Variants in DNAI7 observed in about 807,000 individuals in gnomAD.
The protein encoded by DNAI7 is cancer susceptibility 1.
A neutral mutation model predicts 86.6 loss-of-function variants in DNAI7; 78 were observed. The observed-to-expected ratio is 0.90, with a 90% CI of 0.75 to 1.09. DNAI7 has a LOEUF of 1.09. Among genes scored for constraint, DNAI7 ranks in the 50% least tolerant of loss-of-function variants. The pLI is 0.00. For synonymous variants in DNAI7, 274 were observed against 273.0 expected (o/e 1.00, Z -0.04); for missense variants, 753 against 810.2 (o/e 0.93, Z 0.86).
chr12:25,194,790 G>A, intron 1 of DNAI7: 2 of 1,287,230 alleles, frequency 1.6e-6, no homozygotes, highest in Non-Finnish European at 1.1e-6. Flanking sequence ...TTACTAGGTT[G>A]GGACCAATTT....
At chr12:25,129,632 C>T (rs1942608550) in intron 9 of DNAI7, among the ~76,000 whole-genome samples, 1 of 152,170 alleles carries the variant, frequency 6.6e-6, no homozygotes, top group African/African-American at 2.4e-5. Flanking sequence ...TTCCCTCTGA[C>T]CAGAATAACT....
chr12:25,128,204 T>C (rs539006784), intron 9 of DNAI7, among the ~76,000 whole-genome samples: 18 of 152,342 alleles, frequency 1.2e-4, no homozygotes, highest in East Asian at 7.7e-4. Context: ...AGAAGATCTA[T>C]GCAAAAGAAA....
At chr12:25,145,053 A>T (rs772253254) in intron 8 of DNAI7, among the ~76,000 whole-genome samples, 2 of 152,182 alleles carry the variant, frequency 1.3e-5, no homozygotes, top group Non-Finnish European at 2.9e-5. Flanking sequence ...TATCTATACT[A>T]TCAGAGGTTT....
chr12:25,144,783 A>G, intron 8 of DNAI7, 106 bp from the exon 9 acceptor site: 1 of 834,162 alleles, frequency 1.2e-6, no homozygotes, highest in Non-Finnish European at 1.8e-6. Context: ...ATTTTGCTCC[A>G]ATTTTGACTC....
chr12:25,155,950 CA>C (rs1946112146), intron 4 of DNAI7, among the ~76,000 whole-genome samples: 1 of 152,054 alleles, frequency 6.6e-6, no homozygotes, highest in South Asian at 2.1e-4. Flanking sequence ...ACCAAAAATA[CA>C]AAAATTAGCC....
intron 2 of DNAI7, among the ~76,000 whole-genome samples, chr12:25,167,402 C>T (rs1947607458): frequency 6.6e-6 from 1 of 152,162 alleles, no homozygotes; most frequent in South Asian, 2.1e-4. Context: ...TCTCTGCTGG[C>T]AGGGGACCCT....
rs1410205397 is a variant in DNAI7 at position 25,144,445 on chromosome 12, G to C, written c.922C>G (p.Gln308Glu). ...ISKEVEEESKQQERGSHLIQE... is the reference protein window; with the variant it reads ...ISKEVEEESKEQERGSHLIQE... ...ATTAAGTGAGACCCTCTTTCTTGTT[G>C]TTTGGACTCTTCTTCGACCTCCTTG... is the stretch of plus-strand genomic sequence containing the variant. The change falls in exon 9 of 16, where the codon CAA becomes GAA. Residue 308 changes from glutamine to glutamate, a missense_variant. Gln to Glu is a conservative substitution (Grantham distance 29). Transcript: ENST00000395987. 5 of 1,613,908 alleles carry C rather than the reference G, an allele frequency of 3.1e-6. No individual in the cohort carries two copies. The highest frequency in any genetic ancestry group is 2.5e-6 in the Non-Finnish European group (3 of 1,179,958).
intron 6 of DNAI7, among the ~76,000 whole-genome samples, chr12:25,151,328 A>T (rs1009773885): frequency 7.9e-5 from 12 of 152,244 alleles, no homozygotes; most frequent in Non-Finnish European, 1.5e-4. Context: ...ATAAGAGTTT[A>T]TTAAATAAAT....
intron 2 of DNAI7, among the ~76,000 whole-genome samples, chr12:25,161,622 TG>T (rs1421302599): frequency 6.6e-6 from 1 of 152,268 alleles, no homozygotes; most frequent in Non-Finnish European, 1.5e-5. Flanking sequence ...TTTGCAAGCT[TG>T]GAAGAAGGAG....
chr12:25,155,470 A>G, intron 4 of DNAI7, 58 bp from the exon 5 acceptor site: 1 of 904,854 alleles, frequency 1.1e-6, no homozygotes, highest in Non-Finnish European at 1.7e-6. Context: ...TATGTTTCAC[A>G]AGTAGCATCT....
At chr12:25,194,756 G>T in intron 1 of DNAI7, 1 of 848,552 alleles carries the variant, frequency 1.2e-6, no homozygotes, top group Non-Finnish European at 1.8e-6. Context: ...AAAATTTAGT[G>T]GGAACGTCTA....
At position 25,154,438 on chromosome 12, in the gene DNAI7, A is replaced by G; in HGVS notation, c.319T>C (p.Cys107Arg). Residue 107 changes from cysteine (C) to arginine (R), a missense_variant, in exon 6 of 16, where the codon TGT (cysteine) becomes CGT (arginine). Transcript: ENST00000395987. ...ACTGAAGGATCAGGACTCCCATCACATTGAATGTAGTGCTTCCACTGTGGA... is the reference window on the plus strand; with the variant it reads ...ACTGAAGGATCAGGACTCCCATCACGTTGAATGTAGTGCTTCCACTGTGGA... Reference protein sequence around the residue: ...LLSQWKHYIQCDGSPDPSVAQ... With the variant: ...LLSQWKHYIQRDGSPDPSVAQ... 1 of 1,609,894 alleles carries G rather than the reference A, an allele frequency of 6.2e-7. No individual in the cohort carries two copies. The highest frequency in any genetic ancestry group is 8.5e-7 in the Non-Finnish European group (1 of 1,179,134).
downstream of DNAI7, chr12:25,108,117 G>A (rs1036066186): frequency 1.4e-5 from 22 of 1,567,724 alleles, no homozygotes; most frequent in Middle Eastern, 1.7e-4. Flanking sequence ...TCTGAACTTC[G>A]TAAATTAGTA....
chr12:25,113,597 G>A (rs2140363776), intron 13 of DNAI7, among the ~76,000 whole-genome samples: 1 of 152,254 alleles, frequency 6.6e-6, no homozygotes, highest in East Asian at 1.9e-4. Flanking sequence ...ACCGCTCCCA[G>A]CCCTCATCTA....
At chr12:25,172,706 T>C (rs1167378014) in intron 2 of DNAI7, among the ~76,000 whole-genome samples, 1 of 152,108 alleles carries the variant, frequency 6.6e-6, no homozygotes, top group Non-Finnish European at 1.5e-5. Flanking sequence ...CAAACTATAC[T>C]ATAAGACCAT....
At chr12:25,112,486 A>C (rs1241309720) in intron 13 of DNAI7, among the ~76,000 whole-genome samples, 1 of 139,418 alleles carries the variant, frequency 7.2e-6, no homozygotes, top group African/African-American at 2.8e-5. Flanking sequence ...GGCTCACTGC[A>C]AGCTCTGCCT....
At chr12:25,150,048 C>T (rs993078672) in intron 6 of DNAI7, among the ~76,000 whole-genome samples, 3 of 152,102 alleles carry the variant, frequency 2.0e-5, no homozygotes, top group African/African-American at 7.2e-5. Flanking sequence ...TGAAGAAAGA[C>T]CAGTTCTTTA....
intron 12 of DNAI7, among the ~76,000 whole-genome samples, chr12:25,116,927 G>T (rs1182955037): frequency 6.6e-6 from 1 of 152,092 alleles, no homozygotes; most frequent in East Asian, 1.9e-4. Context: ...AATTTACTAG[G>T]TTTTTTAACT....
chr12:25,156,724 G>A (rs1296076068), intron 4 of DNAI7, among the ~76,000 whole-genome samples: 1 of 151,736 alleles, frequency 6.6e-6, no homozygotes, highest in Non-Finnish European at 1.5e-5. Flanking sequence ...CTGGGTGACA[G>A]AACAAGACTC....
Sources: allele counts gnomAD v4.1 joint callset (sites outside exome capture counted in the v4.1 genomes callset), GRCh38; gene constraint gnomAD v4.1.1; transcripts MANE v1.5; gene names NCBI Gene and HGNC (gene_info 2026-07-23, HGNC 2026-07-21).